Variants in CNBD1 observed in about 807,000 individuals in gnomAD.
CNBD1 encodes cyclic nucleotide-binding domain-containing protein 1.
Under a neutral mutation model 54.4 loss-of-function variants are expected in CNBD1, and 71 were observed. The ratio of observed to expected loss-of-function variants is 1.30; its 90% CI spans 1.08 to 1.59. The LOEUF is 1.59. Ranked by LOEUF, CNBD1 falls within the 40% of genes most tolerant of loss-of-function variation. The pLI, the probability that CNBD1 is intolerant of heterozygous loss-of-function variation, is 0.00. For synonymous variants in CNBD1, 182 were observed against 170.7 expected, an observed-to-expected ratio of 1.07 and a Z score of -0.51; for missense variants, 659 against 518.0, an observed-to-expected ratio of 1.27 and a Z score of -2.64.
intron 3 of CNBD1, among the ~76,000 whole-genome samples, chr8:86,923,254 C>G (rs1809304765): frequency 1.3e-5 from 2 of 152,152 alleles, no homozygotes; most frequent in Non-Finnish European, 2.9e-5. Flanking sequence ...TTATCCTTGT[C>G]TCGATGAAGG....
intron 4 of CNBD1, among the ~76,000 whole-genome samples, chr8:86,947,331 C>T (rs1281675682): frequency 1.3e-5 from 2 of 151,988 alleles, no homozygotes; most frequent in African/African-American, 4.8e-5. Flanking sequence ...TTGCAGTATC[C>T]ATTTGTGGTT....
At chr8:87,372,508 T>C (rs899565665) in intron 10 of CNBD1, among the ~76,000 whole-genome samples, 2 of 151,930 alleles carry the variant, frequency 1.3e-5, no homozygotes, top group Admixed American at 6.6e-5. Context: ...TCTGGGTTGA[T>C]TTTCTGTTTT....
chr8:87,414,405 GA>G (rs1807803361), intron 2 of CNBD1, among the ~76,000 whole-genome samples: 1 of 152,072 alleles, frequency 6.6e-6, no homozygotes, highest in African/African-American at 2.4e-5. Flanking sequence ...ATAGCATTAG[GA>G]GATATACCTA....
chr8:87,299,536 C>A (rs1003179666), intron 8 of CNBD1, among the ~76,000 whole-genome samples: 9 of 152,180 alleles, frequency 5.9e-5, no homozygotes. Flanking sequence ...TGGGAACATG[C>A]AGTCCTGAAT....
rs191739770 is a variant in CNBD1, at chr8:87,229,575, C to A, written c.578-7344C>A. Among the ~76,000 whole-genome samples the A allele has an allele frequency of 4.9e-3, 750 of 152,074 alleles. 8 individuals carry two copies. The highest frequency in any genetic ancestry group is 0.017 in the African/African-American group (717 of 41,518). Reference sequence around the variant, plus strand: ...TTGTCTATAAATTTTGGGATTATGTCAAATACTCTTTGAATTCTATTTTGA... The same window carrying A: ...TTGTCTATAAATTTTGGGATTATGTAAAATACTCTTTGAATTCTATTTTGA... On this transcript the variant is annotated intron_variant, in intron 5 of 10. Coordinates refer to ENST00000518476, the MANE Select transcript of CNBD1 (RefSeq NM_173538.3).
At chr8:87,162,411 T>C (rs1020699817) in intron 4 of CNBD1, among the ~76,000 whole-genome samples, 1 of 152,124 alleles carries the variant, frequency 6.6e-6, no homozygotes. Flanking sequence ...TGAAAATGTC[T>C]GCTTTAAGTA....
At chr8:87,034,906 A>G (rs1206732632) in intron 4 of CNBD1, among the ~76,000 whole-genome samples, 3 of 152,152 alleles carry the variant, frequency 2.0e-5, no homozygotes, top group African/African-American at 7.2e-5. Flanking sequence ...GATATGTACA[A>G]TTTAAGTTCT....
intron 8 of CNBD1, among the ~76,000 whole-genome samples, chr8:87,343,775 T>C (rs1810115454): frequency 6.6e-6 from 1 of 152,174 alleles, no homozygotes; most frequent in Non-Finnish European, 1.5e-5. Flanking sequence ...TTTTCATAAT[T>C]TAATCATTTA....
chr8:87,359,594 AATGAT>A (rs1308256142), intron 10 of CNBD1, among the ~76,000 whole-genome samples: 6 of 152,154 alleles, frequency 3.9e-5, no homozygotes, highest in Admixed American at 2.6e-4. Context: ...TATGAAGAAC[AATGAT>A]ATTAATTTGC....
intron 6 of CNBD1, among the ~76,000 whole-genome samples, chr8:87,248,818 G>T (rs1339390317): frequency 6.6e-6 from 1 of 152,118 alleles, no homozygotes; most frequent in Non-Finnish European, 1.5e-5. Flanking sequence ...GCTATGGTTA[G>T]CTTGTGGGCT....
chr8:86,962,829 C>A (rs1171252061), intron 4 of CNBD1, among the ~76,000 whole-genome samples: 1 of 151,984 alleles, frequency 6.6e-6, no homozygotes, highest in Admixed American at 6.6e-5. Flanking sequence ...AGCTAGAAAT[C>A]TGACTGGCAA....
intron 4 of CNBD1, among the ~76,000 whole-genome samples, chr8:87,158,038 G>A (rs528953458): frequency 6.6e-5 from 10 of 152,078 alleles, no homozygotes; most frequent in African/African-American, 2.4e-4. Context: ...CTAAAATTGA[G>A]TTAATAATGT....
chr8:87,392,117 C>A (rs987945118), intron 2 of CNBD1, among the ~76,000 whole-genome samples: 2 of 151,976 alleles, frequency 1.3e-5, no homozygotes, highest in African/African-American at 4.8e-5. Context: ...AGATTTCATA[C>A]CTACTATTTT....
At chr8:87,253,028 A>T (rs1364434605) in intron 6 of CNBD1, among the ~76,000 whole-genome samples, 2 of 152,198 alleles carry the variant, frequency 1.3e-5, no homozygotes, top group South Asian at 2.1e-4. Flanking sequence ...TCAGTGGACA[A>T]TGAATAATAG....
intron 6 of CNBD1, among the ~76,000 whole-genome samples, chr8:87,278,402 T>C (rs946029660): frequency 6.6e-6 from 1 of 151,314 alleles, no homozygotes; most frequent in Non-Finnish European, 1.5e-5. Flanking sequence ...CTAATGTAAA[T>C]CAAAGGTAGT....
intron 3 of CNBD1, among the ~76,000 whole-genome samples, chr8:86,917,735 G>A (rs2131821395): frequency 6.6e-6 from 1 of 152,240 alleles, no homozygotes; most frequent in East Asian, 1.9e-4. Context: ...GGAACATGAT[G>A]ATGATCAGCT....
chr8:87,131,943 A>G (rs1812125574), intron 4 of CNBD1, among the ~76,000 whole-genome samples: 1 of 152,006 alleles, frequency 6.6e-6, no homozygotes, highest in South Asian at 2.1e-4. Context: ...GTTTGTTTCA[A>G]GACTGACTTT....
chr8:87,063,340 T>G (rs1240031793), intron 4 of CNBD1, among the ~76,000 whole-genome samples: 1 of 152,198 alleles, frequency 6.6e-6, no homozygotes, highest in East Asian at 1.9e-4. Context: ...TCCATATAGA[T>G]ATCTATGGAT....
At chr8:87,426,080 T>C (rs1369928433) in intron 2 of CNBD1, among the ~76,000 whole-genome samples, 1 of 152,186 alleles carries the variant, frequency 6.6e-6, no homozygotes, top group African/African-American at 2.4e-5. Context: ...GAACGGATTC[T>C]CCAGGTGCCG....
Sources: gnomAD v4.1 joint callset for allele counts (sites outside exome capture counted in the v4.1 genomes callset) on GRCh38, gnomAD v4.1.1 for gene constraint, MANE v1.5 for transcripts, NCBI Gene and HGNC (gene_info 2026-07-23, HGNC 2026-07-21) for gene names.